The following FLVCR2 variants were observed in gnomAD, a reference collection of about 807,000 sequenced individuals.
The protein encoded by FLVCR2 is FLVCR choline and putative heme transporter 2, also known as choline/ethanolamine transporter FLVCR2.
In FLVCR2, 38 loss-of-function variants were observed where a neutral mutation model predicts 48.9. That is an observed-to-expected ratio of 0.78 (90% CI 0.60 to 1.02). FLVCR2 has a LOEUF of 1.02. Ranked by LOEUF, FLVCR2 falls within the 50% of genes least tolerant of loss-of-function variation. FLVCR2 has a pLI of 0.00. For missense variants in FLVCR2, 664 were observed against 663.3 expected, an observed-to-expected ratio of 1.00 and a Z score of -0.01; for synonymous variants, 255 against 257.0, an observed-to-expected ratio of 0.99 and a Z score of 0.07.
chr14:75,591,969 C>T (rs1373617934), intron 1 of FLVCR2, among the ~76,000 whole-genome samples: 1 of 151,818 alleles, frequency 6.6e-6, no homozygotes, highest in East Asian at 1.9e-4. Context: ...TGCACCACTG[C>T]ACCTGGTTAA....
intron 1 of FLVCR2, among the ~76,000 whole-genome samples, chr14:75,610,638 C>T (rs981746877): frequency 3.3e-5 from 5 of 152,154 alleles, no homozygotes; most frequent in East Asian, 1.9e-4. Flanking sequence ...CATTATAAAC[C>T]GGGTGAGAGT....
intron 1 of FLVCR2, among the ~76,000 whole-genome samples, chr14:75,591,017 C>A (rs963943940): frequency 1.3e-5 from 2 of 152,214 alleles, no homozygotes; most frequent in African/African-American, 4.8e-5. Flanking sequence ...TTGTTTACTT[C>A]CAATATACAA....
chr14:75,584,688 C>T (rs191153560), intron 1 of FLVCR2, among the ~76,000 whole-genome samples: 9 of 152,262 alleles, frequency 5.9e-5, no homozygotes, highest in South Asian at 4.1e-4. Context: ...AGGTCTGGCT[C>T]GTGAAGCCGG....
chr14:75,583,197 A>AT (rs1214400688), intron 1 of FLVCR2, among the ~76,000 whole-genome samples: 1 of 152,194 alleles, frequency 6.6e-6, no homozygotes, highest in Admixed American at 6.5e-5. Context: ...GGAGGGAGGC[A>AT]TTGAGGATAG....
intron 1 of FLVCR2, among the ~76,000 whole-genome samples, chr14:75,615,920 G>A (rs1372003382): frequency 2.0e-5 from 3 of 149,648 alleles, no homozygotes; most frequent in East Asian, 2.0e-4. Flanking sequence ...CCAGCTACTC[G>A]GGAAGCTGAG....
chr14:75,635,288 T>G (rs763168472), intron 5 of FLVCR2, among the ~76,000 whole-genome samples: 2 of 152,044 alleles, frequency 1.3e-5, no homozygotes, highest in Non-Finnish European at 2.9e-5. Context: ...AGTAGCTTTG[T>G]GAAAGCAGCA....
intron 2 of FLVCR2, among the ~76,000 whole-genome samples, chr14:75,624,009 A>C (rs1309416427): frequency 1.3e-5 from 2 of 151,980 alleles, no homozygotes; most frequent in African/African-American, 4.8e-5. Context: ...CGAAGATCAC[A>C]CCACTGTGCT....
chr14:75,639,374 A>G lies in FLVCR2; in HGVS notation c.1147A>G (p.Ile383Val). 6.2e-7 allele frequency: 1 copy of G among 1,613,792 alleles called. No homozygotes were observed. The highest frequency in any genetic ancestry group is 8.5e-7 in the Non-Finnish European group (1 of 1,179,642). The change falls in exon 6 of 10, where the codon ATC (isoleucine) becomes GTC (valine). Residue 383 changes from isoleucine to valine, a missense_variant. Coordinates refer to ENST00000238667, the MANE Select transcript of FLVCR2 (RefSeq NM_017791.3). ...TAGAGAGACAACCCTGGTAGTCTAT[A>G]TCATGACACTGGTGGGCATGGTGGT... ...TYKETTLVVY[I>V]MTLVGMVVYT... is the part of the protein sequence containing the mutation.
chr14:75,635,808 G>A (rs1022769936), intron 5 of FLVCR2, among the ~76,000 whole-genome samples: 18 of 152,142 alleles, frequency 1.2e-4, no homozygotes, highest in Middle Eastern at 3.4e-3. Context: ...AGGTTGCTGT[G>A]AACTGGGTTC....
intron 9 of FLVCR2, among the ~76,000 whole-genome samples, chr14:75,644,054 G>A (rs962069893): frequency 9.4e-5 from 14 of 149,472 alleles, no homozygotes; most frequent in Non-Finnish European, 1.9e-4. Flanking sequence ...AAAAAAAAGA[G>A]AGAGAGAGAA....
chr14:75,598,768 C>CCAG (rs1889088024), intron 1 of FLVCR2, among the ~76,000 whole-genome samples: 1 of 152,248 alleles, frequency 6.6e-6, no homozygotes, highest in Non-Finnish European at 1.5e-5. Context: ...GAGCTATCAC[C>CCAG]CAGCGCATGC....
chr14:75,580,375 G>A (rs866775052), intron 1 of FLVCR2, among the ~76,000 whole-genome samples: 9 of 152,200 alleles, frequency 5.9e-5, no homozygotes, highest in Non-Finnish European at 1.3e-4. Flanking sequence ...CCAAATACTC[G>A]AAGCAAATAT....
chr14:75,634,859 C>A, intron 4 of FLVCR2, 51 bp from the exon 5 acceptor site: 2 of 1,268,620 alleles, frequency 1.6e-6, no homozygotes, highest in Non-Finnish European at 2.3e-6. Flanking sequence ...TGTGCTCTGT[C>A]CTGGGTCTTG....
In FLVCR2 at chr14:75,585,662, G is replaced by A. The variant is rs534117728; in HGVS notation, c.669+6021G>A. Among the ~76,000 whole-genome samples the A allele has an allele frequency of 9.9e-5, 15 of 152,278 alleles. No homozygotes were observed. In the East Asian group the frequency reaches 1.9e-3, roughly 20 times the overall value. ...ATGTGGGTGAATGACCAAGGCAGGC[G>A]TCCCCGCGGTGGTCAGACACCAATG... On this transcript the variant is annotated intron_variant, in intron 1 of 9. Transcript: ENST00000238667.
intron 1 of FLVCR2, among the ~76,000 whole-genome samples, chr14:75,612,904 C>G (rs1226616518): frequency 1.3e-5 from 2 of 152,218 alleles, no homozygotes; most frequent in African/African-American, 4.8e-5. Flanking sequence ...GTTTATTCTC[C>G]ATGTTGCTAG....
At chr14:75,580,360 C>T (rs1333437802) in intron 1 of FLVCR2, among the ~76,000 whole-genome samples, 1 of 152,198 alleles carries the variant, frequency 6.6e-6, no homozygotes, top group Non-Finnish European at 1.5e-5. Context: ...ACCTGAATGC[C>T]GTCTCCAAAT....
intron 1 of FLVCR2, among the ~76,000 whole-genome samples, chr14:75,608,735 T>G (rs1889361877): frequency 6.6e-6 from 1 of 152,172 alleles, no homozygotes; most frequent in Non-Finnish European, 1.5e-5. Context: ...GACAAGCTTC[T>G]CTCTCCAGAA....
At chr14:75,633,818 G>C (rs778576250) in intron 4 of FLVCR2, 122 bp downstream of exon 4, 8 of 817,518 alleles carry the variant, frequency 9.8e-6, no homozygotes, top group African/African-American at 1.7e-5. Flanking sequence ...GTGATATGGT[G>C]GTATGCTTAT....
intron 1 of FLVCR2, among the ~76,000 whole-genome samples, chr14:75,609,491 CT>C (rs1207932790): frequency 6.6e-6 from 1 of 152,122 alleles, no homozygotes; most frequent in African/African-American, 2.4e-5. Flanking sequence ...CTTGAGATTT[CT>C]TTTTCTTTCC....
Sources: allele counts gnomAD v4.1 joint callset (sites outside exome capture counted in the v4.1 genomes callset), GRCh38; gene constraint gnomAD v4.1.1; transcripts MANE v1.5; gene names NCBI Gene and HGNC (gene_info 2026-07-23, HGNC 2026-07-21).